CSMD3: variants seen among roughly 807,000 people sequenced by gnomAD.
CSMD3 encodes CUB and sushi domain-containing protein 3.
In CSMD3, 177 loss-of-function variants were observed where a neutral mutation model predicts 435.2. That is an observed-to-expected ratio of 0.41 (90% CI 0.36 to 0.46). The LOEUF is 0.46. CSMD3 is among the 20% of genes least tolerant of loss of function. The pLI is 0.34. For missense variants in CSMD3, 4,265 were observed against 4,504.6 expected (o/e 0.95, Z 1.52); for synonymous variants, 1,656 against 1,520.5 (o/e 1.09, Z -2.07).
intron 1 of CSMD3, among the ~76,000 whole-genome samples, chr8:113,363,805 A>G (rs1443561899): frequency 2.0e-5 from 3 of 152,160 alleles, no homozygotes; most frequent in Non-Finnish European, 4.4e-5. Flanking sequence ...GGTTCCAAGA[A>G]TTAGGACCTG....
chr8:112,790,080 C>T (rs2078648353), intron 13 of CSMD3, among the ~76,000 whole-genome samples: 1 of 151,788 alleles, frequency 6.6e-6, no homozygotes, highest in African/African-American at 2.4e-5. Context: ...TTACAGATTA[C>T]AGATTGATAT....
chr8:112,254,786 G>T (rs1050920418), intron 62 of CSMD3, among the ~76,000 whole-genome samples: 1 of 152,110 alleles, frequency 6.6e-6, no homozygotes, highest in Admixed American at 6.5e-5. Flanking sequence ...GCATAATAAT[G>T]GTAGGTAGAT....
chr8:113,235,667 C>T (rs2093139590), intron 3 of CSMD3, among the ~76,000 whole-genome samples: 1 of 151,872 alleles, frequency 6.6e-6, no homozygotes, highest in Non-Finnish European at 1.5e-5. Flanking sequence ...GAGTGTGGTT[C>T]CAGAGGAGAC....
intron 61 of CSMD3, among the ~76,000 whole-genome samples, chr8:112,259,153 T>C (rs959371462): frequency 6.6e-6 from 1 of 151,996 alleles, no homozygotes; most frequent in African/African-American, 2.4e-5. Context: ...CGGATGTGAA[T>C]AGCACTATTC....
intron 13 of CSMD3, among the ~76,000 whole-genome samples, chr8:112,780,948 A>G (rs1400335304): frequency 6.6e-6 from 1 of 152,106 alleles, no homozygotes; most frequent in South Asian, 2.1e-4. Context: ...GAGCCAGTGA[A>G]TATGAGGTTC....
rs543873284 is a variant in CSMD3, at chr8:112,750,696, GGA to G, written c.1972+49464_1972+49465del. Among the ~76,000 whole-genome samples, 43 of 152,140 alleles carry G rather than the reference GGA, an allele frequency of 2.8e-4. No homozygotes were observed. The South Asian group carries it at 5.0e-3, about 18-fold the overall frequency. On this transcript the variant is annotated intron_variant, in intron 13 of 70. Coordinates refer to ENST00000297405, the MANE Select transcript of CSMD3 (RefSeq NM_198123.2). ...AGAATGATCCAAGGGTGGAATAGTA[GGA>G]GACATGATCAGAAAGATGACAGAGT... is the stretch of plus-strand genomic sequence containing the variant.
intron 3 of CSMD3, among the ~76,000 whole-genome samples, chr8:113,205,549 G>A (rs372351562): frequency 2.6e-5 from 4 of 152,122 alleles, no homozygotes; most frequent in South Asian, 2.1e-4. Flanking sequence ...ACTCTATGAT[G>A]TTCTCATAGC....
At chr8:112,868,849 T>C (rs1316705357) in intron 10 of CSMD3, among the ~76,000 whole-genome samples, 2 of 152,096 alleles carry the variant, frequency 1.3e-5, no homozygotes, top group African/African-American at 2.4e-5. Context: ...TTATACCTTA[T>C]ACAAAAATTA....
rs1833598499 is a variant in CSMD3 at position 112,615,509 on chromosome 8, A to AGC, written c.3715+21307_3715+21308insGC. The stretch of plus-strand genomic sequence containing the variant: ...TAATTGGTACCTAGAAGCATGCAGA[A>AGC]ATCTACTTTGGCCCAAAGCAAAAAA... On this transcript the variant is annotated intron_variant, in intron 22 of 70. Coordinates refer to ENST00000297405, the MANE Select transcript of CSMD3 (RefSeq NM_198123.2). Among the ~76,000 whole-genome samples, 5 of 152,188 alleles carry AGC rather than the reference A, an allele frequency of 3.3e-5. No homozygotes were observed. The East Asian group carries it at 9.7e-4, about 29-fold the overall frequency.
chr8:112,772,886 T>A (rs759626903), intron 13 of CSMD3, among the ~76,000 whole-genome samples: 2 of 152,070 alleles, frequency 1.3e-5, no homozygotes, highest in East Asian at 3.9e-4. Context: ...TTTGTTCACA[T>A]GTTTACCTGC....
intron 18 of CSMD3, among the ~76,000 whole-genome samples, chr8:112,653,657 T>C (rs2075184594): frequency 6.9e-6 from 1 of 145,936 alleles, no homozygotes; most frequent in Non-Finnish European, 1.5e-5. Flanking sequence ...TAAATAATCT[T>C]ATCTTTTTTT....
At chr8:112,231,001 A>G (rs972405733) in intron 69 of CSMD3, among the ~76,000 whole-genome samples, 1 of 152,216 alleles carries the variant, frequency 6.6e-6, no homozygotes, top group East Asian at 1.9e-4. Flanking sequence ...GTTTATATAC[A>G]TATAGAAGAG....
intron 10 of CSMD3, among the ~76,000 whole-genome samples, chr8:112,885,059 T>A (rs892252656): frequency 1.3e-5 from 2 of 151,736 alleles, no homozygotes; most frequent in African/African-American, 2.4e-5. Flanking sequence ...AGCTATCTTA[T>A]TATGTACAAA....
intron 26 of CSMD3, among the ~76,000 whole-genome samples, chr8:112,552,206 C>A (rs983218167): frequency 1.3e-5 from 2 of 152,026 alleles, no homozygotes; most frequent in Non-Finnish European, 2.9e-5. Context: ...GTATATCAGT[C>A]AAAATGGGCC....
At chr8:112,990,247 G>C (rs1328356839) in intron 6 of CSMD3, among the ~76,000 whole-genome samples, 3 of 151,956 alleles carry the variant, frequency 2.0e-5, no homozygotes, top group African/African-American at 7.2e-5. Context: ...AAACTGAAGT[G>C]TCCCAATTTA....
intron 3 of CSMD3, among the ~76,000 whole-genome samples, chr8:113,221,948 C>G (rs1218969854): frequency 6.6e-6 from 1 of 151,246 alleles, no homozygotes; most frequent in Non-Finnish European, 1.5e-5. Context: ...CCTACTACAA[C>G]CCTGGAACAT....
intron 41 of CSMD3, among the ~76,000 whole-genome samples, chr8:112,345,372 T>C (rs1036927884): frequency 2.0e-5 from 3 of 151,944 alleles, no homozygotes; most frequent in African/African-American, 7.3e-5. Flanking sequence ...ATAAAGAAAA[T>C]ATAGTATACA....
chr8:112,334,657 C>A (rs1195556270), intron 45 of CSMD3, among the ~76,000 whole-genome samples: 1 of 151,980 alleles, frequency 6.6e-6, no homozygotes, highest in African/African-American at 2.4e-5. Context: ...GGAATACAAC[C>A]AATTGAGGAT....
At chr8:113,187,250 G>A (rs973073328) in intron 3 of CSMD3, among the ~76,000 whole-genome samples, 4 of 150,848 alleles carry the variant, frequency 2.7e-5, no homozygotes, top group African/African-American at 7.3e-5. Context: ...GTCATGTGAT[G>A]CGAATCCAGT....
Sources: allele counts gnomAD v4.1 joint callset (sites outside exome capture counted in the v4.1 genomes callset), GRCh38; gene constraint gnomAD v4.1.1; transcripts MANE v1.5; gene names NCBI Gene and HGNC (gene_info 2026-07-23, HGNC 2026-07-21).